Variants in SESN3 observed in about 807,000 individuals in gnomAD.
The protein encoded by SESN3 is sestrin 3.
In SESN3, 21 loss-of-function variants were observed where a neutral mutation model predicts 55.3. The observed-to-expected ratio is 0.38, with a 90% CI of 0.27 to 0.55. The LOEUF (loss-of-function observed/expected upper bound fraction) is 0.55. SESN3 is among the 20% of genes least tolerant of loss of function. SESN3 has a pLI of 0.76. For synonymous variants in SESN3, 181 were observed against 203.1 expected (o/e 0.89, Z 0.93); for missense variants, 408 against 604.3 (o/e 0.68, Z 3.41).
At chr11:95,211,351 C>T (rs1390267038) in intron 1 of SESN3, among the ~76,000 whole-genome samples, 2 of 152,176 alleles carry the variant, frequency 1.3e-5, no homozygotes, top group Non-Finnish European at 2.9e-5. Flanking sequence ...AGGTATTATA[C>T]GTTCAGCCAC....
intron 6 of SESN3, 23 bp from the exon 7 acceptor site, chr11:95,178,851 T>C: frequency 7.4e-7 from 1 of 1,350,700 alleles, no homozygotes; most frequent in Non-Finnish European, 1.1e-6. Context: ...ATGAACAATC[T>C]AGTGTTAAGG....
chr11:95,229,291 C>T (rs1228477245), intron 1 of SESN3, among the ~76,000 whole-genome samples: 1 of 152,134 alleles, frequency 6.6e-6, no homozygotes, highest in Non-Finnish European at 1.5e-5. Flanking sequence ...ACTTCTGATC[C>T]ATTACATTTC....
Position 95,230,435 on chromosome 11 carries a change from G to A in SESN3, c.78+348C>T. 1 of 263,622 alleles carries A rather than the reference G, an allele frequency of 3.8e-6. No homozygotes were observed. The highest frequency in any genetic ancestry group is 1.4e-4 in the East Asian group (1 of 7,374). The allele number at this position is 263,622 out of a possible 1,614,324, so 16.3% of individuals were successfully genotyped here. On this transcript the variant is annotated intron_variant, in intron 1 of 9. Transcript: ENST00000536441. The surrounding 1 kb of genome is among the most constrained non-coding windows in gnomAD (Gnocchi z 4.6). Reference sequence around the variant, plus strand: ...CTCCATCAACAGCTAAACTGCACAGGGAGGAGGATCGAACGGATCCCTCCC... The same window carrying A: ...CTCCATCAACAGCTAAACTGCACAGAGAGGAGGATCGAACGGATCCCTCCC...
Position 95,195,154 on chromosome 11 carries a change from G to A in SESN3, c.79-1632C>T, listed in dbSNP as rs189358625. Reference sequence around the variant, plus strand: ...TAGGGGGAGCAAAATATAAACTCACGTTAAGATGGACAATGGGATTTTGGA... The same window carrying A: ...TAGGGGGAGCAAAATATAAACTCACATTAAGATGGACAATGGGATTTTGGA... On this transcript the variant is annotated intron_variant, in intron 1 of 9. Transcript: ENST00000536441. 2.6e-4 allele frequency among the ~76,000 whole-genome samples: 40 copies of A among 152,054 alleles called. No individual in the cohort carries two copies. The East Asian group carries it at 4.8e-3, about 18-fold the overall frequency.
At chr11:95,226,904 G>C (rs1023911111) in intron 1 of SESN3, among the ~76,000 whole-genome samples, 34 of 152,138 alleles carry the variant, frequency 2.2e-4, no homozygotes, top group Admixed American at 1.6e-3. Context: ...AGAATCTTAA[G>C]GGTCCATACG....
chr11:95,230,841 C>T lies in SESN3; in HGVS notation c.20G>A (p.Ser7Asn). 1 of 1,582,196 alleles carries T rather than the reference C, an allele frequency of 6.3e-7. No homozygotes were observed. Among genetic ancestry groups the T allele is most frequent in the Non-Finnish European group, 8.6e-7 (1 of 1,168,908 alleles). Residue 7 changes from serine (S) to asparagine (N), a missense_variant, in exon 1 of 10, where the codon AGC (serine) becomes AAC (asparagine). Ser to Asn is a conservative substitution (Grantham distance 46). Transcript: ENST00000536441. This position sits in a 1 kb window ranked among gnomAD's most constrained non-coding sequence, Gnocchi z 4.6. ...CAGGTAGTTGGCGGCGGCCGACGGG[C>T]TGCCGCCGCCCCGGTTCATCGTGGC... The part of the protein sequence containing the change: MNRGGG[S>N]PSAAANYLLC...
chr11:95,171,128 A>T lies in SESN3; in HGVS notation c.*2127T>A, dbSNP rs965971556. 1 of 152,152 alleles carries T rather than the reference A, an allele frequency of 6.6e-6. No homozygotes were observed. The highest frequency in any genetic ancestry group is 6.6e-5 in the Admixed American group (1 of 15,266). The allele number at this position is 152,152 out of a possible 1,614,324, so 9.4% of individuals were successfully genotyped here. A position where few individuals can be genotyped will look rare whatever the true frequency, so the allele number is the denominator to read the frequency against. ...GGGCTATTAATTGAAAGCATCTAGTAAAAAAACAAATTCAAGAATAAATGA... is the reference window on the plus strand; with the variant it reads ...GGGCTATTAATTGAAAGCATCTAGTTAAAAAACAAATTCAAGAATAAATGA... On this transcript the variant is annotated 3_prime_UTR_variant, in exon 10 of 10. Coordinates refer to ENST00000536441, the MANE Select transcript of SESN3 (RefSeq NM_144665.4).
chr11:95,174,932 A>T (rs1275373515), intron 9 of SESN3, among the ~76,000 whole-genome samples: 1 of 152,192 alleles, frequency 6.6e-6, no homozygotes, highest in Non-Finnish European at 1.5e-5. Context: ...TCTTCAAAGC[A>T]CATTTGGAAA....
In SESN3 at chr11:95,185,382, G is replaced by C. The variant is rs1451053785; in HGVS notation, c.636C>G (p.Ile212Met). ...AGATTTCTGGATCTCTCTCTGGATTGATACCACTACCAAAAACAAAGCTTG... is the reference window on the plus strand; with the variant it reads ...AGATTTCTGGATCTCTCTCTGGATTCATACCACTACCAAAAACAAAGCTTG... ...ALASFVFGSG[I>M]NPERDPEISN... The change falls in exon 5 of 10, where the codon ATC becomes ATG. Residue 212 changes from isoleucine to methionine, a missense_variant. This residue lies in a region of SESN3 where 119 missense variants were observed against 139.9 expected (regional missense o/e 0.85). Coordinates refer to ENST00000536441, the MANE Select transcript of SESN3 (RefSeq NM_144665.4). 1 of 1,612,830 alleles carries C rather than the reference G, an allele frequency of 6.2e-7. No homozygotes were observed. Among genetic ancestry groups the C allele is most frequent in the Non-Finnish European group, 8.5e-7 (1 of 1,179,038 alleles).
At chr11:95,223,001 C>CTAAGGGA (rs1860885497) in intron 1 of SESN3, among the ~76,000 whole-genome samples, 2 of 152,266 alleles carry the variant, frequency 1.3e-5, no homozygotes, top group South Asian at 4.1e-4. Context: ...ACAGTGATGT[C>CTAAGGGA]TAAGGGACAA....
intron 1 of SESN3, among the ~76,000 whole-genome samples, chr11:95,220,823 C>T (rs1031898292): frequency 1.3e-5 from 2 of 152,142 alleles, no homozygotes; most frequent in African/African-American, 4.8e-5. Flanking sequence ...GGTAATATAA[C>T]CTTTAAGAAG....
rs1401143217 is a variant in SESN3, at chr11:95,165,621, G to A, written c.*7634C>T. On this transcript the variant is annotated 3_prime_UTR_variant, in exon 10 of 10. Transcript: ENST00000536441. The stretch of plus-strand genomic sequence containing the variant: ...GAAATAAATTTCTGCAAGTATAAAT[G>A]TGATACAGTTTAACAAAACCCATTG... 1 of 152,036 alleles carries A rather than the reference G, an allele frequency of 6.6e-6. No homozygotes were observed. The highest frequency in any genetic ancestry group is 2.4e-5 in the African/African-American group (1 of 41,414). 9.4% of individuals were successfully genotyped at this position (152,036 alleles called of 1,614,324 possible).
intron 6 of SESN3, among the ~76,000 whole-genome samples, chr11:95,181,582 G>A (rs934248903): frequency 6.6e-6 from 1 of 151,866 alleles, no homozygotes; most frequent in Admixed American, 6.6e-5. Context: ...GACATAATAC[G>A]GGAAACATTC....
At chr11:95,187,221 A>T (rs1049121453) in intron 4 of SESN3, among the ~76,000 whole-genome samples, 3 of 151,912 alleles carry the variant, frequency 2.0e-5, no homozygotes, top group Admixed American at 6.6e-5. Flanking sequence ...TTTTAGAAAC[A>T]TTTCCTAATA....
At chr11:95,224,457 C>T (rs1230221092) in intron 1 of SESN3, 1 of 440,826 alleles carries the variant, frequency 2.3e-6, no homozygotes. Context: ...ATTACCTTGT[C>T]CATTATGCTC....
chr11:95,191,627 A>T, intron 2 of SESN3, 26 bp from the exon 3 acceptor site: 1 of 1,585,480 alleles, frequency 6.3e-7, no homozygotes, highest in Non-Finnish European at 8.7e-7. Context: ...AACAAAACAA[A>T]ATGACTATTG....
chr11:95,225,273 T>G (rs1860928285), intron 1 of SESN3, among the ~76,000 whole-genome samples: 1 of 152,152 alleles, frequency 6.6e-6, no homozygotes, highest in South Asian at 2.1e-4. Flanking sequence ...TTTGAAAGGG[T>G]TTTGGACCCA....
At position 95,230,825 on chromosome 11, in the gene SESN3, G is replaced by A. The variant is rs1295539034; in HGVS notation, c.36C>T (p.Ala12=). 2 of 1,590,014 alleles carry A rather than the reference G, an allele frequency of 1.3e-6. No homozygotes were observed. Among genetic ancestry groups the A allele is most frequent in the Admixed American group, 1.7e-5 (1 of 57,738 alleles). Reference sequence around the variant, plus strand: ...GGCAGTTGGTACAGAGCAGGTAGTTGGCGGCGGCCGACGGGCTGCCGCCGC... The same window carrying A: ...GGCAGTTGGTACAGAGCAGGTAGTTAGCGGCGGCCGACGGGCTGCCGCCGC... ...NRGGGSPSAA[A]NYLLCTNCRK... Residue 12 remains alanine, a synonymous_variant, in exon 1 of 10, where the codon GCC becomes GCT. Transcript: ENST00000536441. The surrounding 1 kb of genome is among the most constrained non-coding windows in gnomAD (Gnocchi z 4.6).
chr11:95,178,579 T>G (rs1860001723), intron 7 of SESN3, 131 bp downstream of exon 7: 1 of 628,958 alleles, frequency 1.6e-6, no homozygotes, highest in African/African-American at 1.8e-5. Flanking sequence ...TAGATTAGGC[T>G]GAAACTAGGT....
Sources: gnomAD v4.1 joint callset for allele counts (sites outside exome capture counted in the v4.1 genomes callset) on GRCh38, gnomAD v4.1.1 for gene constraint, gnomAD v4.1.1 regional missense constraint, Gnocchi (gnomAD v3.1) non-coding constraint, MANE v1.5 for transcripts, NCBI Gene and HGNC (gene_info 2026-07-23, HGNC 2026-07-21) for gene names.